The following HELT variants were observed in gnomAD, a reference collection of about 807,000 sequenced individuals.
The protein encoded by HELT is hairy and enhancer of split-related protein HELT.
Under a neutral mutation model 19.5 loss-of-function variants are expected in HELT, and 9 were observed. That is an observed-to-expected ratio of 0.46 (90% CI 0.28 to 0.80). The LOEUF (loss-of-function observed/expected upper bound fraction) is 0.80, where lower values mean the gene tolerates loss of function less well. Ranked by LOEUF, HELT falls within the 30% of genes least tolerant of loss-of-function variation. The pLI is 0.12. For missense variants in HELT, 366 were observed against 326.3 expected (o/e 1.12, Z -0.94); for synonymous variants, 162 against 148.3 (o/e 1.09, Z -0.67).
At chr4:185,019,294 G>A in intron 1 of HELT, 93 bp from the exon 2 acceptor site, 2 of 1,192,986 alleles carry the variant, frequency 1.7e-6, no homozygotes, top group Non-Finnish European at 2.4e-6. Flanking sequence ...AGTGTGCGCG[G>A]CTGGAGAGGC....
rs1291977566 is a variant in HELT at position 185,020,696 on chromosome 4, A to T, written c.653A>T (p.His218Leu). The part of the protein sequence containing the change: ...FLTPVQGLDR[H>L]YLNLIGHAHP... Reference sequence around the variant, plus strand: ...ACACCGGTGCAGGGCCTGGACCGGCATTACCTCAACCTGATCGGCCACGCG... The same window carrying T: ...ACACCGGTGCAGGGCCTGGACCGGCTTTACCTCAACCTGATCGGCCACGCG... Residue 218 changes from histidine (H) to leucine (L), a missense_variant, in exon 4 of 4, where the codon CAT becomes CTT. Coordinates refer to ENST00000515777, the MANE Select transcript of HELT (RefSeq NM_001300781.2). The T allele has an allele frequency of 1.2e-6, 2 of 1,603,246 alleles. No homozygotes were observed. Among genetic ancestry groups the T allele is most frequent in the African/African-American group, 1.3e-5 (1 of 74,580 alleles).
chr4:185,020,594 G>A lies in HELT; in HGVS notation c.551G>A (p.Arg184His). 1 of 1,594,088 alleles carries A rather than the reference G, an allele frequency of 6.3e-7. No homozygotes were observed. ...GPFPWPPGAA[R>H]SPALPYLPSA... ...TTCCCCTGGCCGCCTGGCGCGGCCC[G>A]CAGCCCCGCGCTGCCCTACCTGCCC... The change falls in exon 4 of 4, where the codon CGC (arginine) becomes CAC (histidine). Residue 184 changes from arginine to histidine, a missense_variant. By Grantham distance (29) the Arg-to-His change is conservative (BLOSUM62 0). Transcript: ENST00000515777.
chr4:185,019,171 A>G, intron 1 of HELT: 1 of 1,473,116 alleles, frequency 6.8e-7, no homozygotes, highest in Non-Finnish European at 9.2e-7. Context: ...ACCTCCCCAA[A>G]GGCCTGGGTA....
In HELT at chr4:185,018,891, C is replaced by T. The variant is rs1284625770; in HGVS notation, c.-38C>T. On this transcript the variant is annotated 5_prime_UTR_variant, in exon 1 of 4. Coordinates refer to ENST00000515777, the MANE Select transcript of HELT (RefSeq NM_001300781.2). ...GAGGCGGAAAAGTGGACGGGTGCCC[C>T]GCGCCACCGCCTCTCCCGAGGGCGC... The T allele has an allele frequency of 1.9e-6, 3 of 1,548,006 alleles. No individual in the cohort carries two copies. Among genetic ancestry groups the T allele is most frequent in the South Asian group, 2.5e-5 (2 of 81,524 alleles).
At chr4:185,019,279 T>C (rs1423989504) in intron 1 of HELT, 108 bp from the exon 2 acceptor site, 2 of 1,142,482 alleles carry the variant, frequency 1.8e-6, no homozygotes, top group Non-Finnish European at 2.5e-6. Context: ...AGAGCGAATC[T>C]GAGCAGTGTG....
intron 1 of HELT, 176 bp downstream of exon 1, chr4:185,019,131 G>A: frequency 6.4e-7 from 1 of 1,564,658 alleles, no homozygotes; most frequent in Non-Finnish European, 8.7e-7. Context: ...TGCTCAACCA[G>A]GTAGAAGTCC....
intron 2 of HELT, 106 bp downstream of exon 2, chr4:185,019,597 C>T: frequency 6.4e-7 from 1 of 1,567,382 alleles, no homozygotes; most frequent in Admixed American, 1.9e-5. Context: ...CTTGCGGGCC[C>T]CTCCCAGGCG....
chr4:185,020,419 G>T lies in HELT; in HGVS notation c.376G>T (p.Ala126Ser). Residue 126 changes from alanine (A) to serine (S), a missense_variant, in exon 4 of 4, where the codon GCC (alanine) becomes TCC (serine). Ala to Ser is a moderately conservative substitution (Grantham distance 99). Coordinates refer to ENST00000515777, the MANE Select transcript of HELT (RefSeq NM_001300781.2). ...CATCCTCGCCTTCTTGCAGTCCAAG[G>T]CCCGCCTGGGCGCGGAGCCCGCCTT... ...ARILAFLQSK[A>S]RLGAEPAFPP... 2 of 1,614,160 alleles carry T rather than the reference G, an allele frequency of 1.2e-6. No homozygotes were observed. Among genetic ancestry groups the T allele is most frequent in the Non-Finnish European group, 1.7e-6 (2 of 1,180,052 alleles).
chr4:185,019,871 C>A (rs1199983048), intron 3 of HELT, 28 bp downstream of exon 3: 8 of 1,592,626 alleles, frequency 5.0e-6, no homozygotes, highest in Non-Finnish European at 6.9e-6. Context: ...AATGGGACGC[C>A]TGGGCCAGGC....
chr4:185,019,881 C>A lies in HELT; in HGVS notation c.229+38C>A, dbSNP rs576497534. ...TAGGGAATGGGACGCCTGGGCCAGG[C>A]GCCTGCGCCACCCAGAGACCCTGGG... On this transcript the variant is annotated intron_variant, in intron 3 of 3. Transcript: ENST00000515777. The A allele has an allele frequency of 6.9e-5, 108 of 1,565,712 alleles. No individual in the cohort carries two copies. The East Asian group carries it at 2.2e-3, about 32-fold the overall frequency.
At position 185,020,414 on chromosome 4, in the gene HELT, C is replaced by A. The variant is rs751323930; in HGVS notation, c.371C>A (p.Ser124Tyr). 6.2e-7 allele frequency: 1 copy of A among 1,614,168 alleles called. No individual in the cohort carries two copies. Among genetic ancestry groups the A allele is most frequent in the Admixed American group, 1.7e-5 (1 of 60,030 alleles). ...KYARILAFLQ[S>Y]KARLGAEPAF... Reference sequence around the variant, plus strand: ...GCGCGCATCCTCGCCTTCTTGCAGTCCAAGGCCCGCCTGGGCGCGGAGCCC... The same window carrying A: ...GCGCGCATCCTCGCCTTCTTGCAGTACAAGGCCCGCCTGGGCGCGGAGCCC... The change falls in exon 4 of 4, where the codon TCC (serine) becomes TAC (tyrosine). Residue 124 changes from serine to tyrosine, a missense_variant. Coordinates refer to ENST00000515777, the MANE Select transcript of HELT (RefSeq NM_001300781.2).
At chr4:185,020,177 A>G in intron 3 of HELT, 96 bp from the exon 4 acceptor site, 22 of 1,528,864 alleles carry the variant, frequency 1.4e-5, no homozygotes, top group Non-Finnish European at 1.9e-5. Context: ...CTTTGGCCAG[A>G]AAATGTGGTG....
intron 1 of HELT, 113 bp downstream of exon 1, chr4:185,019,068 G>A (rs1239200102): frequency 1.9e-6 from 3 of 1,612,830 alleles, no homozygotes; most frequent in Non-Finnish European, 2.5e-6. Context: ...GGGACTTTGA[G>A]TGTGGAGGAA....
rs1219591820 is a variant in HELT at position 185,019,377 on chromosome 4, C to T, written c.28-10C>T. On this transcript the variant is annotated splice_polypyrimidine_tract_variant and intron_variant, in intron 1 of 3. Coordinates refer to ENST00000515777, the MANE Select transcript of HELT (RefSeq NM_001300781.2). ...AAAGCCATCCTAAACATACAACCCTCTCTTCGCAGAGAACCCCCGTTTCTC... is the reference window on the plus strand; with the variant it reads ...AAAGCCATCCTAAACATACAACCCTTTCTTCGCAGAGAACCCCCGTTTCTC... 1.9e-6 allele frequency: 3 copies of T among 1,603,996 alleles called. No individual in the cohort carries two copies. The highest frequency in any genetic ancestry group is 2.6e-6 in the Non-Finnish European group (3 of 1,174,076).
rs1733986252 is a variant in HELT at position 185,019,304 on chromosome 4, C to A, written c.28-83C>A. The A allele has an allele frequency of 4.1e-6, 5 of 1,224,192 alleles. No homozygotes were observed. In the African/African-American group the frequency reaches 4.5e-5, roughly 11 times the overall value. The allele number at this position is 1,224,192 out of a possible 1,614,324, so 75.8% of individuals were successfully genotyped here. On this transcript the variant is annotated intron_variant, in intron 1 of 3. Coordinates refer to ENST00000515777, the MANE Select transcript of HELT (RefSeq NM_001300781.2). ...TGAGCAGTGTGCGCGGCTGGAGAGG[C>A]GGCTTGCACCCAGCTGCTAGAGCCG... is the stretch of plus-strand genomic sequence containing the variant.
chr4:185,019,003 A>C, intron 1 of HELT, 48 bp downstream of exon 1: 1 of 1,614,038 alleles, frequency 6.2e-7, no homozygotes, highest in South Asian at 1.1e-5. Context: ...TGGTGGAGGC[A>C]TCTGACTCAC....
rs771277911 is a variant in HELT at position 185,020,450 on chromosome 4, C to T, written c.407C>T (p.Pro136Leu). 13 of 1,613,870 alleles carry T rather than the reference C, an allele frequency of 8.1e-6. No homozygotes were observed. The highest frequency in any genetic ancestry group is 1.1e-5 in the Non-Finnish European group (13 of 1,180,048). The part of the protein sequence containing the change: ...ARLGAEPAFP[P>L]LGSLPEPDFS... The stretch of plus-strand genomic sequence containing the variant: ...CTGGGCGCGGAGCCCGCCTTTCCGC[C>T]GCTGGGTTCGCTCCCGGAGCCGGAT... The change falls in exon 4 of 4, where the codon CCG (proline) becomes CTG (leucine). Residue 136 changes from proline to leucine, a missense_variant. Coordinates refer to ENST00000515777, the MANE Select transcript of HELT (RefSeq NM_001300781.2).
At chr4:185,019,065 T>C in intron 1 of HELT, 110 bp downstream of exon 1, 1 of 1,613,130 alleles carries the variant, frequency 6.2e-7, no homozygotes, top group African/African-American at 1.3e-5. Flanking sequence ...CACGGGACTT[T>C]GAGTGTGGAG....
intron 1 of HELT, 109 bp downstream of exon 1, chr4:185,019,064 TTGAG>T (rs1173983862): frequency 6.2e-7 from 1 of 1,613,110 alleles, no homozygotes; most frequent in African/African-American, 1.3e-5. Flanking sequence ...GCACGGGACT[TTGAG>T]TGTGGAGGAA....
Sources: allele counts gnomAD v4.1 joint callset, GRCh38; gene constraint gnomAD v4.1.1; transcripts MANE v1.5; gene names NCBI Gene and HGNC (gene_info 2026-07-23, HGNC 2026-07-21).